Variants in IGSF11 observed in about 807,000 individuals in gnomAD.
IGSF11 encodes immunoglobulin superfamily member 11.
IGSF11 carries 22 observed loss-of-function variants against 41.0 expected under a neutral mutation model. That is an observed-to-expected ratio of 0.54 (90% CI 0.38 to 0.77). The LOEUF (loss-of-function observed/expected upper bound fraction) is 0.77, where lower values mean the gene tolerates loss of function less well. Ranked by LOEUF, IGSF11 falls within the 30% of genes least tolerant of loss-of-function variation. The pLI, the probability that IGSF11 is intolerant of heterozygous loss-of-function variation, is 0.00. For synonymous variants in IGSF11, 219 were observed against 201.3 expected (o/e 1.09, Z -0.74); for missense variants, 444 against 530.8 (o/e 0.84, Z 1.61).
chr3:119,140,903 G>A (rs1050572663), intron 1 of IGSF11, among the ~76,000 whole-genome samples: 3 of 150,664 alleles, frequency 2.0e-5, no homozygotes, highest in African/African-American at 7.4e-5. Context: ...AATTAGCCAG[G>A]CATGGTGGCA....
intron 1 of IGSF11, among the ~76,000 whole-genome samples, chr3:119,133,699 G>T (rs904134170): frequency 1.3e-5 from 2 of 152,074 alleles, no homozygotes; most frequent in Non-Finnish European, 2.9e-5. Context: ...AAAAAGAGGG[G>T]ATCCTCCCTA....
chr3:119,113,452 G>A (rs1168384668), intron 1 of IGSF11, among the ~76,000 whole-genome samples: 1 of 152,220 alleles, frequency 6.6e-6, no homozygotes, highest in Non-Finnish European at 1.5e-5. Flanking sequence ...TCCCATGGAA[G>A]TCCAAAACCC....
At chr3:119,116,008 C>T (rs116697785) in intron 1 of IGSF11, among the ~76,000 whole-genome samples, 1,934 of 152,244 alleles carry the variant, frequency 0.013, 33 homozygotes, top group African/African-American at 0.045. Flanking sequence ...ATTTACTCTA[C>T]CTCTAAACAA....
chr3:118,903,022 C>T, intron 6 of IGSF11, 61 bp from the exon 7 acceptor site: 2 of 1,458,100 alleles, frequency 1.4e-6, no homozygotes, highest in Non-Finnish European at 1.9e-6. Flanking sequence ...TATCCTCCTA[C>T]CCTGGAATCT....
Position 118,930,093 on chromosome 3 carries a change from C to T in IGSF11, c.216+19G>A, listed in dbSNP as rs1942718399. ...AAAGATTAACCTTTTAGAGGTAGCA[C>T]AGGATGCAACAGAAATACCTGTTCA... On this transcript the variant is annotated intron_variant, in intron 2 of 6. Transcript: ENST00000393775. The T allele has an allele frequency of 2.5e-6, 4 of 1,604,598 alleles. No homozygotes were observed. Among genetic ancestry groups the T allele is most frequent in the Non-Finnish European group, 3.4e-6 (4 of 1,174,772 alleles).
intron 1 of IGSF11, among the ~76,000 whole-genome samples, chr3:119,142,506 G>A (rs1039484196): frequency 6.6e-6 from 1 of 152,104 alleles, no homozygotes; most frequent in African/African-American, 2.4e-5. Context: ...TCTTAAAAAT[G>A]TTCAAAGAGC....
At chr3:119,001,221 A>G (rs1198511826) in intron 1 of IGSF11, among the ~76,000 whole-genome samples, 4 of 149,472 alleles carry the variant, frequency 2.7e-5, no homozygotes, top group South Asian at 2.1e-4. Context: ...TTTCCTCTCC[A>G]TATTTCTTTC....
intron 6 of IGSF11, among the ~76,000 whole-genome samples, chr3:118,904,361 G>A (rs564210560): frequency 1.3e-5 from 2 of 152,178 alleles, no homozygotes; most frequent in Non-Finnish European, 2.9e-5. Context: ...TTCCCATTGT[G>A]GCAGCCACCT....
At chr3:119,127,463 C>T (rs1490750553) in intron 1 of IGSF11, among the ~76,000 whole-genome samples, 3 of 151,984 alleles carry the variant, frequency 2.0e-5, no homozygotes, top group Non-Finnish European at 4.4e-5. Context: ...AGCATATGAT[C>T]CAGGAAGATT....
intron 1 of IGSF11, among the ~76,000 whole-genome samples, chr3:119,052,018 C>G (rs1039451836): frequency 6.6e-6 from 1 of 151,966 alleles, no homozygotes; most frequent in Non-Finnish European, 1.5e-5. Flanking sequence ...ATGCCTACAT[C>G]AAAAACTCTG....
intron 1 of IGSF11, among the ~76,000 whole-genome samples, chr3:119,045,254 C>A (rs143182182): frequency 1.7e-3 from 260 of 152,286 alleles, no homozygotes; most frequent in African/African-American, 6.1e-3. Flanking sequence ...CACTAGGGAG[C>A]GCCAGACAGT....
chr3:119,135,717 A>G (rs2077551653), intron 1 of IGSF11, among the ~76,000 whole-genome samples: 1 of 152,236 alleles, frequency 6.6e-6, no homozygotes, highest in African/African-American at 2.4e-5. Context: ...TACTGGGTAT[A>G]TACCCAAAGG....
chr3:119,024,011 G>C (rs923159445), intron 1 of IGSF11, among the ~76,000 whole-genome samples: 4 of 152,286 alleles, frequency 2.6e-5, no homozygotes, highest in African/African-American at 9.6e-5. Flanking sequence ...TGGAATTAAA[G>C]GGCTCTAAGA....
At chr3:118,924,825 A>T (rs571754835) in intron 4 of IGSF11, among the ~76,000 whole-genome samples, 13 of 152,218 alleles carry the variant, frequency 8.5e-5, no homozygotes, top group African/African-American at 2.9e-4. Context: ...CTTGAGGATG[A>T]TACCCCTTTA....
At chr3:118,995,835 A>G (rs1936216985) in intron 1 of IGSF11, among the ~76,000 whole-genome samples, 1 of 151,762 alleles carries the variant, frequency 6.6e-6, no homozygotes, top group Non-Finnish European at 1.5e-5. Context: ...TTTTATTTTT[A>G]GTAGACAGGG....
At chr3:119,133,712 T>G (rs1252585537) in intron 1 of IGSF11, among the ~76,000 whole-genome samples, 1 of 152,180 alleles carries the variant, frequency 6.6e-6, no homozygotes, top group Non-Finnish European at 1.5e-5. Flanking sequence ...CCTCCCTAAC[T>G]CATTTTATGA....
At chr3:118,977,570 C>T (rs1934254214) in intron 1 of IGSF11, among the ~76,000 whole-genome samples, 1 of 152,156 alleles carries the variant, frequency 6.6e-6, no homozygotes, top group African/African-American at 2.4e-5. Flanking sequence ...AGCAAAGTGA[C>T]AGGAAACATC....
intron 1 of IGSF11, among the ~76,000 whole-genome samples, chr3:118,987,760 A>AT (rs1289928517): frequency 1.3e-5 from 2 of 152,128 alleles, no homozygotes; most frequent in Admixed American, 1.3e-4. Flanking sequence ...AAATTCACAT[A>AT]TTTTTTTCCT....
In IGSF11 at chr3:119,104,722, C is replaced by G. The variant is rs114250583; in HGVS notation, c.49+422G>C. Among the ~76,000 whole-genome samples the G allele has an allele frequency of 6.6e-3, 1,012 of 152,252 alleles. 3 individuals carry two copies. Among genetic ancestry groups the G allele is most frequent in the Non-Finnish European group, 0.011 (724 of 67,986 alleles). Reference sequence around the variant, plus strand: ...ACTCCAAAGGCCTTAGAACAACAAACTGACTATACATTTTACTATATTTAT... The same window carrying G: ...ACTCCAAAGGCCTTAGAACAACAAAGTGACTATACATTTTACTATATTTAT... On this transcript the variant is annotated intron_variant, in intron 1 of 6. Coordinates refer to the IGSF11 transcript ENST00000354673.
Sources: gnomAD v4.1 joint callset for allele counts (sites outside exome capture counted in the v4.1 genomes callset) on GRCh38, gnomAD v4.1.1 for gene constraint, MANE v1.5 for transcripts, NCBI Gene and HGNC (gene_info 2026-07-23, HGNC 2026-07-21) for gene names.